The following MYO5A variants were observed in gnomAD, a reference collection of about 807,000 sequenced individuals.
MYO5A encodes the protein myosin VA.
Under a neutral mutation model 249.7 loss-of-function variants are expected in MYO5A, and 98 were observed. The observed-to-expected ratio is 0.39, with a 90% CI of 0.33 to 0.46. The LOEUF (loss-of-function observed/expected upper bound fraction) is 0.46, where lower values mean the gene tolerates loss of function less well. Ranked by LOEUF, MYO5A falls within the 20% of genes least tolerant of loss-of-function variation. The probability of loss-of-function intolerance (pLI) is 0.98; values close to 1 mark genes in which losing one functional copy is unlikely to be tolerated. For synonymous variants in MYO5A, 778 were observed against 810.6 expected, an observed-to-expected ratio of 0.96 and a Z score of 0.68; for missense variants, 1,696 against 2,308.8, an observed-to-expected ratio of 0.73 and a Z score of 5.44.
At chr15:52,525,174 T>C (rs1724605) in intron 1 of MYO5A, among the ~76,000 whole-genome samples, 141,220 of 152,252 alleles carry the variant, frequency 0.93, 66,451 homozygotes, top group East Asian at 1. Flanking sequence ...TAGTTTCCTT[T>C]AATTCTTTTG....
chr15:52,521,702 G>T (rs1230594324), intron 1 of MYO5A, among the ~76,000 whole-genome samples: 1 of 152,200 alleles, frequency 6.6e-6, no homozygotes, highest in African/African-American at 2.4e-5. Context: ...TGCTGTACAA[G>T]GAGATATTTA....
chr15:52,372,327 G>A lies in MYO5A; in HGVS notation c.2614C>T (p.Arg872Ter), dbSNP rs764309513. 2 of 1,605,074 alleles carry A rather than the reference G, an allele frequency of 1.2e-6. No homozygotes were observed. Among genetic ancestry groups the A allele is most frequent in the Admixed American group, 1.7e-5 (1 of 60,014 alleles). ...REHKAVIIQKRVRGWLARTHY... is the reference protein window; with the variant it reads ...REHKAVIIQK ...GTGCGGGCCAGCCAGCCCCGGACTC[G>A]CTTCTGAATGATGACTGCTTTGTGC... The change falls in exon 21 of 42, where the codon CGA becomes TGA. Residue 872 changes from arginine to a stop codon, truncating the protein, a stop_gained. Coordinates refer to ENST00000399233, the MANE Select transcript of MYO5A (RefSeq NM_001382347.1). LOFTEE classifies it high-confidence loss of function.
intron 8 of MYO5A, among the ~76,000 whole-genome samples, chr15:52,406,590 G>C (rs1216379418): frequency 6.6e-6 from 1 of 152,012 alleles, no homozygotes; most frequent in Non-Finnish European, 1.5e-5. Flanking sequence ...ACTCACCTGA[G>C]GGTACTACTC....
At chr15:52,444,306 C>T (rs527426653) in intron 1 of MYO5A, among the ~76,000 whole-genome samples, 1 of 152,066 alleles carries the variant, frequency 6.6e-6, no homozygotes, top group African/African-American at 2.4e-5. Flanking sequence ...GTATTTTAAA[C>T]CACAAAATTC....
intron 4 of MYO5A, among the ~76,000 whole-genome samples, chr15:52,418,474 T>TA (rs1186699018): frequency 6.6e-6 from 1 of 152,064 alleles, no homozygotes; most frequent in Non-Finnish European, 1.5e-5. Context: ...GTAACTGCTA[T>TA]AAAAAAGGTC....
At chr15:52,505,300 T>C in intron 1 of MYO5A, 1 of 776,948 alleles carries the variant, frequency 1.3e-6, no homozygotes, top group Non-Finnish European at 2.4e-6. Flanking sequence ...TGTGGCAGTA[T>C]TTGAAGCAGT....
At chr15:52,514,217 T>C (rs941397984) in intron 1 of MYO5A, among the ~76,000 whole-genome samples, 2 of 152,250 alleles carry the variant, frequency 1.3e-5, no homozygotes, top group Admixed American at 1.3e-4. Flanking sequence ...CTGGTCTAGA[T>C]ACTGAGTCAA....
At chr15:52,363,712 G>C (rs1255417250) in intron 24 of MYO5A, among the ~76,000 whole-genome samples, 1 of 152,156 alleles carries the variant, frequency 6.6e-6, no homozygotes, top group South Asian at 2.1e-4. Context: ...GCTGGTACTT[G>C]TAGGGATGCT....
intron 1 of MYO5A, among the ~76,000 whole-genome samples, chr15:52,519,615 AAAATAAT>A (rs1021551567): frequency 4.7e-4 from 29 of 61,646 alleles, no homozygotes; most frequent in African/African-American, 1.1e-3. Flanking sequence ...TTGTCTAAAA[AAAATAAT>A]AATAATAATA....
chr15:52,514,075 T>C (rs1034592564), intron 1 of MYO5A, among the ~76,000 whole-genome samples: 7 of 152,230 alleles, frequency 4.6e-5, no homozygotes, highest in African/African-American at 1.7e-4. Context: ...AATAAGATGA[T>C]TTGAATGATC....
chr15:52,400,351 T>C (rs955422236), intron 9 of MYO5A, among the ~76,000 whole-genome samples: 2 of 152,198 alleles, frequency 1.3e-5, no homozygotes, highest in Non-Finnish European at 2.9e-5. Context: ...GACTGGAGAT[T>C]CATTTTATAT....
In MYO5A at chr15:52,387,885, C is replaced by G; in HGVS notation, c.1696G>C (p.Glu566Gln). The G allele has an allele frequency of 6.2e-7, 1 of 1,612,282 alleles. No individual in the cohort carries two copies. Among genetic ancestry groups the G allele is most frequent in the Non-Finnish European group, 8.5e-7 (1 of 1,179,030 alleles). The stretch of plus-strand genomic sequence containing the variant: ...TCAAAAACGGTGTCTTTATTCTTTT[C>G]GAGAAATCCTTCACACTGGTATTCC... The part of the protein sequence containing the change: ...KVEYQCEGFL[E>Q]KNKDTVFEEQ... The change falls in exon 14 of 42, where the codon GAA becomes CAA. Residue 566 changes from glutamate (E) to glutamine (Q), a missense_variant. Coordinates refer to ENST00000399233, the MANE Select transcript of MYO5A (RefSeq NM_001382347.1).
chr15:52,343,113 T>C lies in MYO5A; in HGVS notation c.4040+4A>G, dbSNP rs367925425. The C allele has an allele frequency of 1.2e-6, 2 of 1,607,196 alleles. No homozygotes were observed. Among genetic ancestry groups the C allele is most frequent in the South Asian group, 1.1e-5 (1 of 90,948 alleles). ...ACATTCCATTTTGAGGAGACAAATA[T>C]AACCTGTTGGCTTGTTTTAACCCTT... On this transcript the variant is annotated splice_donor_region_variant and intron_variant, in intron 31 of 41. Coordinates refer to ENST00000399233, the MANE Select transcript of MYO5A (RefSeq NM_001382347.1).
chr15:52,450,906 G>C (rs1260131760), intron 1 of MYO5A, among the ~76,000 whole-genome samples: 1 of 133,062 alleles, frequency 7.5e-6, no homozygotes, highest in East Asian at 2.1e-4. Flanking sequence ...GGATTGCAGT[G>C]GTGTGATCAT....
At chr15:52,400,287 CCT>C (rs1260666468) in intron 9 of MYO5A, among the ~76,000 whole-genome samples, 1 of 152,100 alleles carries the variant, frequency 6.6e-6, no homozygotes, top group African/African-American at 2.4e-5. Flanking sequence ...TCCAATTTAT[CCT>C]CTGTTATCCA....
chr15:52,508,516 C>T (rs1233767896), intron 1 of MYO5A, among the ~76,000 whole-genome samples: 1 of 152,114 alleles, frequency 6.6e-6, no homozygotes, highest in Non-Finnish European at 1.5e-5. Context: ...TAAATCCCTC[C>T]TTTGTTTCAT....
intron 30 of MYO5A, among the ~76,000 whole-genome samples, chr15:52,345,006 A>T (rs1439736954): frequency 1.3e-5 from 2 of 152,226 alleles, no homozygotes; most frequent in Non-Finnish European, 2.9e-5. Context: ...AGTATAACCA[A>T]ATACTTTTAT....
At chr15:52,315,666 G>A (rs2037971748) in intron 40 of MYO5A, among the ~76,000 whole-genome samples, 1 of 151,322 alleles carries the variant, frequency 6.6e-6, no homozygotes. Context: ...GAGCCAGCAC[G>A]CCTGGCCTAC....
At chr15:52,401,774 A>AT (rs1158808078) in intron 9 of MYO5A, among the ~76,000 whole-genome samples, 6 of 151,924 alleles carry the variant, frequency 3.9e-5, no homozygotes, top group African/African-American at 1.5e-4. Flanking sequence ...TCCTTTATGA[A>AT]TTTTCATTAG....
Sources: allele counts gnomAD v4.1 joint callset (sites outside exome capture counted in the v4.1 genomes callset), GRCh38; gene constraint gnomAD v4.1.1; transcripts MANE v1.5; gene names NCBI Gene and HGNC (gene_info 2026-07-23, HGNC 2026-07-21).